Variants in MALRD1 observed in about 807,000 individuals in gnomAD.
MALRD1 encodes MAM and LDL-receptor class A domain-containing protein 1.
A neutral mutation model predicts 242.1 loss-of-function variants in MALRD1; 247 were observed. That is an observed-to-expected ratio of 1.02 (90% CI 0.92 to 1.13). The LOEUF (loss-of-function observed/expected upper bound fraction) is 1.13, where lower values mean the gene tolerates loss of function less well. Ranked by LOEUF, MALRD1 falls within the 50% of genes most tolerant of loss-of-function variation. The pLI is 0.00. For missense variants in MALRD1, 2,989 were observed against 2,533.1 expected, an observed-to-expected ratio of 1.18 and a Z score of -3.86; for synonymous variants, 995 against 866.6, an observed-to-expected ratio of 1.15 and a Z score of -2.60.
intron 38 of MALRD1, among the ~76,000 whole-genome samples, chr10:19,707,358 C>CA (rs1833914325): frequency 6.6e-6 from 1 of 152,134 alleles, no homozygotes; most frequent in South Asian, 2.1e-4. Context: ...GCCACTTTAT[C>CA]AAAAACTCAA....
chr10:19,522,080 C>A (rs546759209), intron 31 of MALRD1, among the ~76,000 whole-genome samples: 2 of 151,884 alleles, frequency 1.3e-5, no homozygotes, highest in Non-Finnish European at 2.9e-5. Flanking sequence ...TTCACACTGA[C>A]GCAAGATTAA....
intron 18 of MALRD1, among the ~76,000 whole-genome samples, chr10:19,240,794 T>C (rs1210795175): frequency 6.6e-6 from 1 of 152,132 alleles, no homozygotes; most frequent in Non-Finnish European, 1.5e-5. Context: ...TTTTGTCAAG[T>C]GTTCTTTTTG....
chr10:19,591,954 G>C (rs748423784), intron 33 of MALRD1, among the ~76,000 whole-genome samples: 1 of 152,158 alleles, frequency 6.6e-6, no homozygotes, highest in African/African-American at 2.4e-5. Context: ...ATTTTCATTA[G>C]GTTAAAACAA....
At position 19,138,203 on chromosome 10, in the gene MALRD1, C is replaced by T. The variant is rs144002301; in HGVS notation, c.1411+1422C>T. ...AATCGGCTAACCAGTGTGAGCTCAA[C>T]GGAGCTTTTGGGCTGCTCTCTTCTT... On this transcript the variant is annotated intron_variant, in intron 10 of 39. Coordinates refer to ENST00000454679, the MANE Select transcript of MALRD1 (RefSeq NM_001142308.3). 1.0e-2 allele frequency among the ~76,000 whole-genome samples: 1,515 copies of T among 152,216 alleles called. 13 individuals are homozygous for T. Among genetic ancestry groups the T allele is most frequent in the Non-Finnish European group, 0.016 (1,097 of 68,010 alleles).
At chr10:19,214,113 C>T (rs1837196373) in intron 18 of MALRD1, among the ~76,000 whole-genome samples, 1 of 152,174 alleles carries the variant, frequency 6.6e-6, no homozygotes, top group African/African-American at 2.4e-5. Context: ...TAGGGGGACC[C>T]TTTGCAGAGC....
chr10:19,501,125 A>AGAGACCTGAAGGAGCT (rs1412995781), intron 31 of MALRD1, among the ~76,000 whole-genome samples: 1 of 152,152 alleles, frequency 6.6e-6, no homozygotes, highest in Admixed American at 6.5e-5. Context: ...CCATTCAACA[A>AGAGACCTGAAGGAGCT]GAGACCTGAA....
intron 21 of MALRD1, among the ~76,000 whole-genome samples, chr10:19,289,617 G>A (rs1285009040): frequency 3.3e-5 from 5 of 152,072 alleles, no homozygotes; most frequent in African/African-American, 1.2e-4. Context: ...CCTCAGCCAA[G>A]GAAGGCTTGA....
At chr10:19,707,616 A>G (rs1490578135) in intron 38 of MALRD1, among the ~76,000 whole-genome samples, 2 of 152,198 alleles carry the variant, frequency 1.3e-5, no homozygotes, top group South Asian at 2.1e-4. Context: ...AATACAAGTC[A>G]TGGGTTTGAA....
chr10:19,711,766 A>C (rs578243902), intron 38 of MALRD1, among the ~76,000 whole-genome samples: 1 of 152,208 alleles, frequency 6.6e-6, no homozygotes, highest in Admixed American at 6.5e-5. Context: ...CAGAAAGCCA[A>C]TCACTGAGAC....
At chr10:19,239,402 C>T (rs960866739) in intron 18 of MALRD1, among the ~76,000 whole-genome samples, 2 of 152,080 alleles carry the variant, frequency 1.3e-5, no homozygotes, top group African/African-American at 4.8e-5. Flanking sequence ...GCATTAACTC[C>T]TTAGCAGATG....
At chr10:19,566,708 A>G (rs11010380) in intron 32 of MALRD1, among the ~76,000 whole-genome samples, 40,122 of 151,024 alleles carry the variant, frequency 0.27, 6,429 homozygotes, top group Admixed American at 0.4. Flanking sequence ...TGTATATGGT[A>G]TGATGTTTAA....
Position 19,136,619 on chromosome 10 carries a change from CT to C in MALRD1, c.1251del (p.Asp418IlefsTer80). ...TLLSQRSFIALDHLWVYACGQ... is the reference protein window; with the variant it reads ...TLLSQRSFIAXDHLWVYACGQ... ...TTTGAGCCAGAGAAGTTTTATTGCC[CT>C]TGATCACCTCTGGGTCTATGCCTGT... On this transcript the variant is annotated frameshift_variant, in exon 10 of 40. Coordinates refer to ENST00000454679, the MANE Select transcript of MALRD1 (RefSeq NM_001142308.3). LOFTEE classifies it high-confidence loss of function. The C allele has an allele frequency of 8.1e-7, 1 of 1,231,584 alleles. No individual in the cohort carries two copies. Among genetic ancestry groups the C allele is most frequent in the Non-Finnish European group, 1.0e-6 (1 of 987,928 alleles). The allele number at this position is 1,231,584 out of a possible 1,614,324, so 76.3% of individuals were successfully genotyped here.
chr10:19,533,525 A>G (rs967406497), intron 32 of MALRD1, among the ~76,000 whole-genome samples: 5 of 152,206 alleles, frequency 3.3e-5, no homozygotes, highest in African/African-American at 9.6e-5. Context: ...TAATTGGCTC[A>G]TAGTTCTACA....
chr10:19,717,243 C>T (rs943540288), intron 38 of MALRD1, among the ~76,000 whole-genome samples: 4 of 152,084 alleles, frequency 2.6e-5, no homozygotes, highest in African/African-American at 4.8e-5. Flanking sequence ...TAAGACAACA[C>T]GTGCTTCAGT....
chr10:19,118,279 C>T (rs1332653621), intron 5 of MALRD1, among the ~76,000 whole-genome samples: 4 of 152,180 alleles, frequency 2.6e-5, no homozygotes, highest in African/African-American at 4.8e-5. Flanking sequence ...CATGAGTGAT[C>T]GATGGCTCAT....
At chr10:19,649,089 A>G (rs1266804908) in intron 36 of MALRD1, among the ~76,000 whole-genome samples, 1 of 152,184 alleles carries the variant, frequency 6.6e-6, no homozygotes, top group African/African-American at 2.4e-5. Context: ...TTATGGCTGC[A>G]TAATATTCCA....
chr10:19,418,414 A>G (rs956010014), intron 28 of MALRD1, among the ~76,000 whole-genome samples: 1 of 152,148 alleles, frequency 6.6e-6, no homozygotes, highest in African/African-American at 2.4e-5. Context: ...GGATTTCAGC[A>G]TACGTTTTTT....
chr10:19,595,388 T>C lies in MALRD1; in HGVS notation c.5875T>C (p.Cys1959Arg). 1.3e-6 allele frequency: 2 copies of C among 1,550,206 alleles called. No individual in the cohort carries two copies. The highest frequency in any genetic ancestry group is 2.4e-5 in the East Asian group (1 of 40,892). ...NMEFPCSTDE[C>R]IPSLLLCDGV... ...GGAGTTCCCGTGCTCTACAGACGAG[T>C]GTATACCTTCCCTCCTGCTATGCGA... The change falls in exon 34 of 40, where the codon TGT becomes CGT. Residue 1959 changes from cysteine to arginine, a missense_variant. Coordinates refer to ENST00000454679, the MANE Select transcript of MALRD1 (RefSeq NM_001142308.3).
At chr10:19,568,872 G>A (rs1836375073) in intron 33 of MALRD1, among the ~76,000 whole-genome samples, 2 of 151,950 alleles carry the variant, frequency 1.3e-5, no homozygotes, top group African/African-American at 4.8e-5. Flanking sequence ...AATAGTATGT[G>A]CCAGGCGATG....
Sources: allele counts gnomAD v4.1 joint callset (sites outside exome capture counted in the v4.1 genomes callset), GRCh38; gene constraint gnomAD v4.1.1; transcripts MANE v1.5; gene names NCBI Gene and HGNC (gene_info 2026-07-23, HGNC 2026-07-21).